The following SASH1 variants were observed in gnomAD, a reference collection of about 807,000 sequenced individuals.
SASH1 encodes the protein SAM and SH3 domain containing 1.
In SASH1, 44 loss-of-function variants were observed where a neutral mutation model predicts 125.2. The ratio of observed to expected loss-of-function variants is 0.35; its 90% CI spans 0.28 to 0.45. The LOEUF (loss-of-function observed/expected upper bound fraction) is 0.45, where lower values mean the gene tolerates loss of function less well. Ranked by LOEUF, SASH1 falls within the 20% of genes least tolerant of loss-of-function variation. The pLI is 1.00. For synonymous variants in SASH1, 639 were observed against 649.1 expected (o/e 0.98, Z 0.24); for missense variants, 1,426 against 1,614.5 (o/e 0.88, Z 2.00).
At chr6:148,326,078 A>G (rs1322690726) in intron 1 of SASH1, among the ~76,000 whole-genome samples, 1 of 146,964 alleles carries the variant, frequency 6.8e-6, no homozygotes, top group Non-Finnish European at 1.5e-5. Context: ...CCCAGGCTGG[A>G]GTGTAATGGC....
At chr6:148,350,645 C>G (rs908642427) in intron 1 of SASH1, among the ~76,000 whole-genome samples, 1 of 152,144 alleles carries the variant, frequency 6.6e-6, no homozygotes, top group Admixed American at 6.6e-5. Flanking sequence ...CATAATCCCA[C>G]TGTAATAGAC....
chr6:148,209,456 A>G, the SASH1 span, among the ~76,000 whole-genome samples: 1 of 152,210 alleles, frequency 6.6e-6, no homozygotes, highest in African/African-American at 2.4e-5. Flanking sequence ...AGAAATTCAT[A>G]GGGGTTTTTC....
intron 1 of SASH1, among the ~76,000 whole-genome samples, chr6:148,310,950 GT>G (rs1299901530): frequency 6.6e-6 from 1 of 151,946 alleles, no homozygotes; most frequent in Non-Finnish European, 1.5e-5. Context: ...GCTTTGTTTT[GT>G]TTTGTTTTTT....
At chr6:148,316,562 A>G (rs1355036308) in intron 1 of SASH1, among the ~76,000 whole-genome samples, 1 of 152,246 alleles carries the variant, frequency 6.6e-6, no homozygotes, top group East Asian at 1.9e-4. Flanking sequence ...GAATGCATCT[A>G]TGATTAGAAG....
At chr6:148,355,405 T>C (rs546768367) in intron 1 of SASH1, among the ~76,000 whole-genome samples, 94 of 152,282 alleles carry the variant, frequency 6.2e-4, no homozygotes, top group Admixed American at 2.0e-3. Flanking sequence ...GATTAGAGGA[T>C]TGGGAAACTG....
At chr6:148,243,120 A>C in the SASH1 span, among the ~76,000 whole-genome samples, 6 of 151,934 alleles carry the variant, frequency 3.9e-5, no homozygotes, top group East Asian at 1.2e-3. Flanking sequence ...GTTTGAAACC[A>C]GCCTCACCAA....
In SASH1 at chr6:148,378,393, C is replaced by T. The variant is rs1357455898; in HGVS notation, c.157-11741C>T. Among the ~76,000 whole-genome samples the T allele has an allele frequency of 6.6e-5, 10 of 151,080 alleles. No homozygotes were observed. In the East Asian group the frequency reaches 1.4e-3, roughly 21 times the overall value. On this transcript the variant is annotated intron_variant, in intron 1 of 19. Transcript: ENST00000367467. ...TTTTTGAGACAGGGTCTCACTCTGTCGCCCAGGCTGGAGTGCAGTGGCACG... is the reference window on the plus strand; with the variant it reads ...TTTTTGAGACAGGGTCTCACTCTGTTGCCCAGGCTGGAGTGCAGTGGCACG...
intron 1 of SASH1, among the ~76,000 whole-genome samples, chr6:148,326,248 G>A (rs1249784144): frequency 1.5e-5 from 2 of 137,890 alleles, no homozygotes; most frequent in Admixed American, 1.5e-4. Flanking sequence ...GGCTGGTCTC[G>A]AACTCCTGAC....
chr6:148,482,509 T>C (rs1320968756), intron 7 of SASH1, among the ~76,000 whole-genome samples: 1 of 151,972 alleles, frequency 6.6e-6, no homozygotes, highest in Non-Finnish European at 1.5e-5. Flanking sequence ...GTCACTGATG[T>C]TTTGGCATGG....
At chr6:148,196,408 A>G in the SASH1 span, among the ~76,000 whole-genome samples, 1 of 152,248 alleles carries the variant, frequency 6.6e-6, no homozygotes, top group Admixed American at 6.5e-5. Context: ...AACAAGCACG[A>G]ACCATATATG....
At chr6:148,199,817 A>C in the SASH1 span, among the ~76,000 whole-genome samples, 1 of 151,920 alleles carries the variant, frequency 6.6e-6, no homozygotes, top group Non-Finnish European at 1.5e-5. Flanking sequence ...AAAAAGAGAG[A>C]GAGAAGGAGG....
intron 2 of SASH1, among the ~76,000 whole-genome samples, chr6:148,401,152 G>A (rs1784152019): frequency 6.6e-6 from 1 of 151,796 alleles, no homozygotes; most frequent in South Asian, 2.1e-4. Flanking sequence ...TACTTCGGAG[G>A]TTAAGGTGGG....
intron 1 of SASH1, chr6:148,278,734 C>T (rs1295689552): frequency 6.6e-6 from 1 of 152,052 alleles, no homozygotes; most frequent in African/African-American, 2.4e-5. Context: ...AGCATGACCC[C>T]TGTGCAAGGA....
chr6:148,202,534 G>A, the SASH1 span, among the ~76,000 whole-genome samples: 7 of 152,212 alleles, frequency 4.6e-5, no homozygotes, highest in African/African-American at 1.7e-4. Context: ...AGTCTTGGAA[G>A]GCAATGACCA....
rs368284645 is a variant in SASH1, at chr6:148,499,038, T to C, written c.729+11323T>C. 2.9e-4 allele frequency among the ~76,000 whole-genome samples: 44 copies of C among 151,500 alleles called. No individual in the cohort carries two copies. The South Asian group carries it at 9.0e-3, about 31-fold the overall frequency. On this transcript the variant is annotated intron_variant, in intron 8 of 19. Coordinates refer to ENST00000367467, the MANE Select transcript of SASH1 (RefSeq NM_015278.5). ...TGAATGTTGTCACAATTACCCATTGTATCAAAATTCTTTTTTTTGTTTTTT... is the reference window on the plus strand; with the variant it reads ...TGAATGTTGTCACAATTACCCATTGCATCAAAATTCTTTTTTTTGTTTTTT...
chr6:148,248,956 A>T, the SASH1 span, among the ~76,000 whole-genome samples: 1 of 152,302 alleles, frequency 6.6e-6, no homozygotes, highest in East Asian at 1.9e-4. Flanking sequence ...CAAAATCTCC[A>T]ATTAGGATTC....
chr6:148,389,709 C>T (rs965069983), intron 1 of SASH1, among the ~76,000 whole-genome samples: 1 of 152,112 alleles, frequency 6.6e-6, no homozygotes, highest in Non-Finnish European at 1.5e-5. Flanking sequence ...AGTCCAGGGG[C>T]CACATTGGGC....
the SASH1 span, among the ~76,000 whole-genome samples, chr6:148,201,394 T>A: frequency 6.6e-6 from 1 of 152,138 alleles, no homozygotes; most frequent in Non-Finnish European, 1.5e-5. Flanking sequence ...AATAGAGCAG[T>A]GATTCTCAAG....
intron 1 of SASH1, among the ~76,000 whole-genome samples, chr6:148,290,120 G>T (rs1194638715): frequency 6.7e-6 from 1 of 150,200 alleles, no homozygotes; most frequent in South Asian, 2.1e-4. Context: ...CGCCCACCTC[G>T]GCCTCCCAAA....
Sources: gnomAD v4.1 joint callset for allele counts (sites outside exome capture counted in the v4.1 genomes callset) on GRCh38, gnomAD v4.1.1 for gene constraint, MANE v1.5 for transcripts, NCBI Gene and HGNC (gene_info 2026-07-23, HGNC 2026-07-21) for gene names.